The following CATSPERB variants were observed in gnomAD, a reference collection of about 807,000 sequenced individuals.
CATSPERB encodes the protein catsper channel auxiliary subunit beta, also known as cation channel sperm-associated auxiliary subunit beta.
In CATSPERB, 93 loss-of-function variants were observed where a neutral mutation model predicts 128.3. The observed-to-expected ratio is 0.72, with a 90% CI of 0.61 to 0.86. The LOEUF is 0.86. Among genes scored for constraint, CATSPERB ranks in the 40% least tolerant of loss-of-function variants. The pLI is 0.00. For synonymous variants in CATSPERB, 381 were observed against 448.8 expected, an observed-to-expected ratio of 0.85 and a Z score of 1.91; for missense variants, 1,153 against 1,329.5, an observed-to-expected ratio of 0.87 and a Z score of 2.06.
intron 4 of CATSPERB, among the ~76,000 whole-genome samples, chr14:91,721,849 A>T (rs1362126245): frequency 7.6e-6 from 1 of 131,566 alleles, no homozygotes; most frequent in Non-Finnish European, 1.7e-5. Context: ...GACTCTGTCT[A>T]AAAAAAAAAA....
chr14:91,649,329 ATATG>A (rs750957293), intron 15 of CATSPERB, among the ~76,000 whole-genome samples: 51 of 42,406 alleles, frequency 1.2e-3, no homozygotes, highest in East Asian at 9.4e-3. Flanking sequence ...ATGTATACAT[ATATG>A]TGTGTGTGTG....
intron 19 of CATSPERB, among the ~76,000 whole-genome samples, chr14:91,619,444 A>G (rs529107614): frequency 1.4e-4 from 22 of 152,280 alleles, no homozygotes; most frequent in African/African-American, 5.1e-4. Flanking sequence ...TTTTCAGGAC[A>G]TTTAATCCAC....
intron 15 of CATSPERB, among the ~76,000 whole-genome samples, chr14:91,656,562 CT>C (rs890676970): frequency 1.3e-5 from 2 of 151,876 alleles, no homozygotes; most frequent in African/African-American, 4.8e-5. Flanking sequence ...AGAAAATTGC[CT>C]TCACTAAAAG....
rs1281647017 is a variant in CATSPERB, at chr14:91,610,387, CAAA to C, written c.2598+90_2598+92del. ...ACTGTGAAGTGTTTTGAGCCACTCA[CAAA>C]AGAAATGCTGAAACTGAATGGGTAG... On this transcript the variant is annotated intron_variant, in intron 21 of 26. Transcript: ENST00000256343. The C allele has an allele frequency of 1.3e-5, 13 of 985,614 alleles. No individual in the cohort carries two copies. The East Asian group carries it at 3.2e-4, about 24-fold the overall frequency. 61.1% of individuals were successfully genotyped at this position (985,614 alleles called of 1,614,324 possible). A position where few individuals can be genotyped will look rare whatever the true frequency, so the allele number is the denominator to read the frequency against.
chr14:91,639,015 C>A, intron 16 of CATSPERB, 81 bp downstream of exon 16: 1 of 1,247,732 alleles, frequency 8.0e-7, no homozygotes, highest in Non-Finnish European at 1.1e-6. Context: ...AATACTTTCC[C>A]ATTTTCCCAT....
chr14:91,663,448 A>G (rs1894920482), intron 14 of CATSPERB, among the ~76,000 whole-genome samples: 1 of 152,120 alleles, frequency 6.6e-6, no homozygotes, highest in Non-Finnish European at 1.5e-5. Flanking sequence ...GATCGAGACC[A>G]TCCTGGCTAA....
chr14:91,678,950 G>T (rs1020860442), intron 11 of CATSPERB, among the ~76,000 whole-genome samples: 1 of 152,102 alleles, frequency 6.6e-6, no homozygotes, highest in East Asian at 1.9e-4. Context: ...TTTAAAAATG[G>T]TTAACAGGAA....
At chr14:91,615,704 T>A (rs1015997606) in intron 20 of CATSPERB, among the ~76,000 whole-genome samples, 2 of 152,228 alleles carry the variant, frequency 1.3e-5, no homozygotes, top group African/African-American at 4.8e-5. Context: ...CATCTCTTAA[T>A]GAACTTTTAG....
chr14:91,649,190 A>C (rs903853691), intron 15 of CATSPERB, among the ~76,000 whole-genome samples: 33 of 152,350 alleles, frequency 2.2e-4, no homozygotes, highest in African/African-American at 7.9e-4. Flanking sequence ...TGATAACTGT[A>C]GACCAGCTCT....
intron 15 of CATSPERB, among the ~76,000 whole-genome samples, chr14:91,657,586 CACAGA>C (rs1307900514): frequency 1.3e-5 from 2 of 152,018 alleles, no homozygotes; most frequent in African/African-American, 4.8e-5. Context: ...ACAGACAATC[CACAGA>C]ACAGAAGAAA....
rs1894067761 is a variant in CATSPERB, at chr14:91,622,440, C to T, written c.1931-503G>A. 2.0e-5 allele frequency among the ~76,000 whole-genome samples: 3 copies of T among 152,050 alleles called. No individual in the cohort carries two copies. In the East Asian group the frequency reaches 5.8e-4, roughly 29 times the overall value. ...TGGGCAGGACCTTAAGGAACATCAT[C>T]ATTTAAGGAATGGAAAGGGAAAAAG... On this transcript the variant is annotated intron_variant, in intron 18 of 26. Transcript: ENST00000256343.
Position 91,624,959 on chromosome 14 carries a change from A to G in CATSPERB, c.1791T>C (p.Pro597=), listed in dbSNP as rs1256191737. 3 of 1,610,720 alleles carry G rather than the reference A, an allele frequency of 1.9e-6. No individual in the cohort carries two copies. Among genetic ancestry groups the G allele is most frequent in the Non-Finnish European group, 2.5e-6 (3 of 1,179,166 alleles). ...YIRKVLQHTT[P]KGFLSSVIAE... is the part of the protein sequence containing the mutation. ...CAATAACTGAGGACAAAAATCCTTTAGGAGTCGTATGTTGCAATACCTTTC... is the reference window on the plus strand; with the variant it reads ...CAATAACTGAGGACAAAAATCCTTTGGGAGTCGTATGTTGCAATACCTTTC... The change falls in exon 18 of 27, where the codon CCT becomes CCC. Residue 597 remains proline, a synonymous_variant. Coordinates refer to ENST00000256343, the MANE Select transcript of CATSPERB (RefSeq NM_024764.4).
intron 10 of CATSPERB, among the ~76,000 whole-genome samples, chr14:91,686,184 G>A (rs766001640): frequency 2.0e-5 from 3 of 151,918 alleles, no homozygotes; most frequent in South Asian, 2.1e-4. Context: ...TAATTTCAAC[G>A]AGCACTTATT....
In CATSPERB at chr14:91,599,545, C is replaced by CAAAAA. The variant is rs36175924; in HGVS notation, c.2710-7548_2710-7544dup. Reference sequence around the variant, plus strand: ...CTGCACTCCAGCCTGGGCGGCAGAGCAAAAAAAAAAAAAAAGAAAGTTTAT... The same window carrying CAAAAA: ...CTGCACTCCAGCCTGGGCGGCAGAGCAAAAAAAAAAAAAAAAAAAAGAAAGTTTAT... On this transcript the variant is annotated intron_variant, in intron 22 of 26. Coordinates refer to ENST00000256343, the MANE Select transcript of CATSPERB (RefSeq NM_024764.4). 6.7e-3 allele frequency among the ~76,000 whole-genome samples: 766 copies of CAAAAA among 113,484 alleles called. 28 individuals are homozygous for CAAAAA. Among genetic ancestry groups the CAAAAA allele is most frequent in the Non-Finnish European group, 0.01 (569 of 56,506 alleles). The allele number at this position is 113,484 out of a possible 152,430, so 74.4% of individuals were successfully genotyped here. A position where few individuals can be genotyped will look rare whatever the true frequency, so the allele number is the denominator to read the frequency against.
At chr14:91,706,007 C>T (rs1895726432) in intron 6 of CATSPERB, among the ~76,000 whole-genome samples, 1 of 152,062 alleles carries the variant, frequency 6.6e-6, no homozygotes, top group Middle Eastern at 3.4e-3. Flanking sequence ...ATTTGAAAGA[C>T]AACTGCTGTC....
intron 18 of CATSPERB, among the ~76,000 whole-genome samples, 170 bp downstream of exon 18, chr14:91,624,650 A>G (rs796247943): frequency 6.6e-6 from 1 of 152,168 alleles, no homozygotes. Flanking sequence ...CCAAAAAAAA[A>G]AAAAACAAAA....
chr14:91,716,594 T>C (rs35662560), intron 5 of CATSPERB, among the ~76,000 whole-genome samples: 29,867 of 151,688 alleles, frequency 0.2, 3,732 homozygotes, highest in South Asian at 0.42. Flanking sequence ...TCCAAACAAA[T>C]AAACAAACAA....
At chr14:91,652,205 A>G (rs969170105) in intron 15 of CATSPERB, among the ~76,000 whole-genome samples, 2 of 152,218 alleles carry the variant, frequency 1.3e-5, no homozygotes, top group African/African-American at 2.4e-5. Context: ...AAAAAATCAT[A>G]TCCGTAATAC....
At chr14:91,612,087 T>C (rs1241364942) in intron 20 of CATSPERB, among the ~76,000 whole-genome samples, 3 of 150,054 alleles carry the variant, frequency 2.0e-5, no homozygotes, top group East Asian at 2.0e-4. Context: ...AGAGATGAGA[T>C]CGCGCTCTGT....
Sources: gnomAD v4.1 joint callset for allele counts (sites outside exome capture counted in the v4.1 genomes callset) on GRCh38, gnomAD v4.1.1 for gene constraint, MANE v1.5 for transcripts, NCBI Gene and HGNC (gene_info 2026-07-23, HGNC 2026-07-21) for gene names.